VKORC1: variants seen among roughly 807,000 people sequenced by gnomAD.
VKORC1 encodes phylloquinone epoxide reductase.
VKORC1 carries 12 observed loss-of-function variants against 14.8 expected under a neutral mutation model. That is an observed-to-expected ratio of 0.81 (90% CI 0.52 to 1.31). The LOEUF is 1.31. Among genes scored for constraint, VKORC1 ranks in the 50% most tolerant of loss-of-function variants. The pLI is 0.00. For synonymous variants in VKORC1, 94 were observed against 92.5 expected (o/e 1.02, Z -0.09); for missense variants, 223 against 215.3 (o/e 1.04, Z -0.22).
At chr16:31,093,981 G>C in intron 1 of VKORC1, 2 of 581,768 alleles carry the variant, frequency 3.4e-6, no homozygotes, top group Non-Finnish European at 5.7e-6. Flanking sequence ...TGGGATTACA[G>C]GAGTGGGCCA....
At chr16:31,092,389 T>C (rs2057295938) in intron 2 of VKORC1, among the ~76,000 whole-genome samples, 1 of 151,718 alleles carries the variant, frequency 6.6e-6, no homozygotes, top group Non-Finnish European at 1.5e-5. Context: ...TCTGAAGCTC[T>C]TGCCATTGCC....
intron 1 of VKORC1, 198 bp downstream of exon 1, chr16:31,094,359 G>C (rs1244992748): frequency 6.2e-7 from 1 of 1,612,924 alleles, no homozygotes; most frequent in Non-Finnish European, 8.5e-7. Flanking sequence ...CCAGTCCCCA[G>C]CACTGTCTGG....
At chr16:31,092,272 T>G (rs1240766063) in intron 2 of VKORC1, among the ~76,000 whole-genome samples, 3 of 144,044 alleles carry the variant, frequency 2.1e-5, no homozygotes, top group Non-Finnish European at 1.5e-5. Flanking sequence ...CAGGTTACAG[T>G]GAGCTATGAT....
chr16:31,094,611 C>A lies in VKORC1; in HGVS notation c.119G>T (p.Arg40Leu). The change falls in exon 1 of 3, where the codon CGC (arginine) becomes CTC (leucine). Residue 40 changes from arginine (R) to leucine (L), a missense_variant. Transcript: ENST00000394975. ...KAARARDRDY[R>L]ALCDVGTAIS... ...GGCGGTGCCCACGTCGCAGAGCGCG[C>A]GGTAATCCCGGTCCCGGGCGCGCGC... 1 of 1,607,350 alleles carries A rather than the reference C, an allele frequency of 6.2e-7. No individual in the cohort carries two copies. The highest frequency in any genetic ancestry group is 8.5e-7 in the Non-Finnish European group (1 of 1,178,272).
chr16:31,093,126 A>G (rs17886199), intron 2 of VKORC1, among the ~76,000 whole-genome samples, 186 bp downstream of exon 2: 1,947 of 152,186 alleles, frequency 0.013, 48 homozygotes, highest in African/African-American at 0.045. Flanking sequence ...CTCTAACAGT[A>G]CTTAAACCAA....
chr16:31,092,281 A>G (rs976391858), intron 2 of VKORC1, among the ~76,000 whole-genome samples: 2 of 149,750 alleles, frequency 1.3e-5, no homozygotes, highest in African/African-American at 4.9e-5. Flanking sequence ...GTGAGCTATG[A>G]TTGTGCCACT....
Position 31,093,323 on chromosome 16 carries a change from T to A in VKORC1, c.272A>T (p.Gln91Leu), listed in dbSNP as rs758511051. Reference sequence around the variant, plus strand: ...GCGGAGCCACTCACCTAACAATAGCTGTAGTGTGTAGAAGATGCAACCGAA... The same window carrying A: ...GCGGAGCCACTCACCTAACAATAGCAGTAGTGTGTAGAAGATGCAACCGAA... ...SIFGCIFYTLQLLLGCLRTRW... is the reference protein window; with the variant it reads ...SIFGCIFYTLLLLLGCLRTRW... The change falls in exon 2 of 3, where the codon CAG (glutamine) becomes CTG (leucine). Residue 91 changes from glutamine (Q) to leucine (L), a missense_variant. By Grantham distance (113) the Gln-to-Leu change is moderately radical. Transcript: ENST00000394975. 2.7e-5 allele frequency: 44 copies of A among 1,613,702 alleles called. No homozygotes were observed. Among genetic ancestry groups the A allele is most frequent in the Non-Finnish European group, 3.7e-5 (44 of 1,179,978 alleles).
intron 2 of VKORC1, among the ~76,000 whole-genome samples, chr16:31,092,328 T>TA (rs1163440956): frequency 0.011 from 1,452 of 136,654 alleles, 9 homozygotes; most frequent in Middle Eastern, 0.015. Flanking sequence ...GATTATTTCT[T>TA]AAAAAAAAAA....
chr16:31,093,265 GA>G, intron 2 of VKORC1, 46 bp downstream of exon 2: 1 of 1,442,116 alleles, frequency 6.9e-7, no homozygotes, highest in Non-Finnish European at 9.2e-7. Flanking sequence ...GACCAAGGGG[GA>G]TGAGGGGCGG....
chr16:31,094,310 C>A (rs774398270), intron 1 of VKORC1: 2 of 1,612,958 alleles, frequency 1.2e-6, no homozygotes, highest in Admixed American at 3.3e-5. Context: ...CACCGTTATT[C>A]CTTGGCATCC....
Position 31,092,638 on chromosome 16 carries a change from C to A in VKORC1, c.283+674G>T, listed in dbSNP as rs905994471. 4.3e-6 allele frequency: 5 copies of A among 1,156,082 alleles called. No homozygotes were observed. In the African/African-American group the frequency reaches 8.3e-5, roughly 19 times the overall value. The allele number at this position is 1,156,082 out of a possible 1,614,324, so 71.6% of individuals were successfully genotyped here. ...ATCGTCTTCCACTCCCTTGGTTCCTCTCTCTGTTCTTATGGGACTAGATAC... is the reference window on the plus strand; with the variant it reads ...ATCGTCTTCCACTCCCTTGGTTCCTATCTCTGTTCTTATGGGACTAGATAC... On this transcript the variant is annotated intron_variant, in intron 2 of 2. Coordinates refer to ENST00000394975, the MANE Select transcript of VKORC1 (RefSeq NM_024006.6).
In VKORC1 at chr16:31,093,413, C is replaced by T; in HGVS notation, c.182G>A (p.Arg61Lys). ...CACATGCTCCACCAGCCCGAAACCCCTGCCCCACCTGGCAGAGGGGTGGGG... is the reference window on the plus strand; with the variant it reads ...CACATGCTCCACCAGCCCGAAACCCTTGCCCCACCTGGCAGAGGGGTGGGG... Reference protein sequence around the residue: ...CSRVFSSRWGRGFGLVEHVLG... With the variant: ...CSRVFSSRWGKGFGLVEHVLG... The change falls in exon 2 of 3, where the codon AGG (arginine) becomes AAG (lysine). Residue 61 changes from arginine (R) to lysine (K), a missense_variant. Arg to Lys is a conservative substitution (Grantham distance 26). Transcript: ENST00000394975. The T allele has an allele frequency of 6.2e-7, 1 of 1,614,190 alleles. No individual in the cohort carries two copies. Among genetic ancestry groups the T allele is most frequent in the Non-Finnish European group, 8.5e-7 (1 of 1,180,024 alleles).
At chr16:31,093,851 C>T in intron 1 of VKORC1, 2 of 288,716 alleles carry the variant, frequency 6.9e-6, no homozygotes, top group Non-Finnish European at 1.3e-5. Flanking sequence ...GGGATTAAGG[C>T]ACCCGCCATA....
In VKORC1 at chr16:31,093,421, C is replaced by G; in HGVS notation, c.174G>C (p.Arg58Ser). Residue 58 changes from arginine to serine, a missense_variant and splice_region_variant, in exon 2 of 3, where the codon AGG becomes AGC. By Grantham distance (110) the Arg-to-Ser change is moderately radical (BLOSUM62 -1). Coordinates refer to ENST00000394975, the MANE Select transcript of VKORC1 (RefSeq NM_024006.6). ...CCACCAGCCCGAAACCCCTGCCCCA[C>G]CTGGCAGAGGGGTGGGGTGGGGTGG... is the stretch of plus-strand genomic sequence containing the variant. ...AISCSRVFSS[R>S]WGRGFGLVEH... The G allele has an allele frequency of 6.2e-7, 1 of 1,614,180 alleles. No homozygotes were observed. Among genetic ancestry groups the G allele is most frequent in the South Asian group, 1.1e-5 (1 of 91,090 alleles).
intron 2 of VKORC1, 106 bp downstream of exon 2, chr16:31,093,206 G>T: frequency 8.4e-7 from 1 of 1,194,260 alleles, no homozygotes; most frequent in Non-Finnish European, 1.2e-6. Context: ...GCAGCTAGCT[G>T]GCTGTCAGCT....
chr16:31,094,709 G>A lies in VKORC1; in HGVS notation c.21C>T (p.Ser7=). 6.2e-7 allele frequency: 1 copy of A among 1,607,336 alleles called. No individual in the cohort carries two copies. The highest frequency in any genetic ancestry group is 2.2e-5 in the East Asian group (1 of 44,752). Residue 7 remains serine (S), a synonymous_variant, in exon 1 of 3, where the codon AGC becomes AGT. Transcript: ENST00000394975. MGSTWG[S]PGWVRLALCL... ...AAAGAGCGAGCCGCACCCAGCCAGG[G>A]CTCCCCCAGGTGCTGCCCATTATCT...
At chr16:31,094,295 CTGGTCACCGTTAT>C in intron 1 of VKORC1, 1 of 1,612,938 alleles carries the variant, frequency 6.2e-7, no homozygotes, top group Non-Finnish European at 8.5e-7. Context: ...CCCGCCTTTC[CTGGTCACCGTTAT>C]TCCTTGGCAT....
intron 2 of VKORC1, 123 bp downstream of exon 2, chr16:31,093,189 G>A (rs2057301306): frequency 5.7e-6 from 6 of 1,055,978 alleles, no homozygotes; most frequent in Non-Finnish European, 7.0e-6. Context: ...AGGACGCTCC[G>A]TGATGAGCAG....
At chr16:31,094,336 C>A in intron 1 of VKORC1, 4 of 1,612,910 alleles carry the variant, frequency 2.5e-6, no homozygotes, top group Non-Finnish European at 3.4e-6. Context: ...ACGTGCGAGT[C>A]CCCGGAATAA....
Sources: allele counts gnomAD v4.1 joint callset (sites outside exome capture counted in the v4.1 genomes callset), GRCh38; gene constraint gnomAD v4.1.1; transcripts MANE v1.5; gene names NCBI Gene and HGNC (gene_info 2026-07-23, HGNC 2026-07-21).